The following EYS variants were observed in gnomAD, a reference collection of about 807,000 sequenced individuals.
The protein encoded by EYS is protein eyes shut homolog.
Under a neutral mutation model 282.1 loss-of-function variants are expected in EYS, and 250 were observed. The ratio of observed to expected loss-of-function variants is 0.89; its 90% confidence interval spans 0.80 to 0.98. The LOEUF (loss-of-function observed/expected upper bound fraction) is 0.98, where lower values mean the gene tolerates loss of function less well. Among genes scored for constraint, EYS ranks in the 50% least tolerant of loss-of-function variants. The pLI, the probability that EYS is intolerant of heterozygous loss-of-function variation, is 0.00. For missense variants in EYS, 4,016 were observed against 3,709.0 expected (o/e 1.08, Z -2.15); for synonymous variants, 1,355 against 1,282.9 (o/e 1.06, Z -1.20).
intron 5 of EYS, among the ~76,000 whole-genome samples, chr6:65,434,920 C>G (rs1042698817): frequency 4.6e-5 from 7 of 151,680 alleles, no homozygotes; most frequent in African/African-American, 1.7e-4. Context: ...CTCTACTATT[C>G]CTAGTATTCT....
At chr6:64,968,694 T>C (rs1770184696) in intron 14 of EYS, among the ~76,000 whole-genome samples, 1 of 152,188 alleles carries the variant, frequency 6.6e-6, no homozygotes, top group South Asian at 2.1e-4. Flanking sequence ...TTTTCTTTAC[T>C]AGTCAATAGC....
At chr6:65,028,385 A>G (rs1212170629) in intron 13 of EYS, among the ~76,000 whole-genome samples, 1 of 151,894 alleles carries the variant, frequency 6.6e-6, no homozygotes, top group Non-Finnish European at 1.5e-5. Flanking sequence ...AGTTTGAAAT[A>G]TTATGAACCT....
chr6:63,815,271 T>C (rs1264964372), intron 36 of EYS, among the ~76,000 whole-genome samples: 1 of 152,160 alleles, frequency 6.6e-6, no homozygotes, highest in East Asian at 1.9e-4. Context: ...CTCATTCCTA[T>C]CTTATAGATG....
chr6:64,065,455 C>T (rs1284201838), intron 33 of EYS, among the ~76,000 whole-genome samples: 2 of 151,870 alleles, frequency 1.3e-5, no homozygotes, highest in African/African-American at 4.8e-5. Context: ...TTAGTAATGC[C>T]CCTGAGATGT....
At chr6:64,066,189 A>G in intron 33 of EYS, 149 bp downstream of exon 33, 1 of 605,458 alleles carries the variant, frequency 1.7e-6, no homozygotes, top group Non-Finnish European at 2.8e-6. Flanking sequence ...GAGGCAGGAG[A>G]ATCGCTTGAA....
At chr6:64,686,595 G>T (rs1298235991) in intron 22 of EYS, among the ~76,000 whole-genome samples, 2 of 149,560 alleles carry the variant, frequency 1.3e-5, no homozygotes, top group East Asian at 3.9e-4. Flanking sequence ...CAAAAATTTA[G>T]CGGGCCATGG....
intron 26 of EYS, among the ~76,000 whole-genome samples, chr6:64,566,553 A>G (rs1177342832): frequency 1.3e-5 from 2 of 152,178 alleles, no homozygotes; most frequent in Admixed American, 6.5e-5. Context: ...TGCAGGGGAT[A>G]TGTCCTAGGC....
intron 30 of EYS, among the ~76,000 whole-genome samples, chr6:64,256,824 C>T (rs1365616058): frequency 6.6e-6 from 1 of 151,910 alleles, no homozygotes; most frequent in Admixed American, 6.6e-5. Context: ...ATGTATATGC[C>T]CACGAGAGGC....
At chr6:65,192,425 A>C (rs1248686603) in intron 12 of EYS, among the ~76,000 whole-genome samples, 1 of 151,734 alleles carries the variant, frequency 6.6e-6, no homozygotes, top group Non-Finnish European at 1.5e-5. Context: ...GAAAAATTGT[A>C]ACTTCAGCAA....
intron 31 of EYS, among the ~76,000 whole-genome samples, chr6:64,129,385 C>T (rs141673309): frequency 1.6e-4 from 24 of 152,254 alleles, no homozygotes; most frequent in African/African-American, 5.8e-4. Context: ...TGATGATGAA[C>T]ATTTTTTCAT....
intron 33 of EYS, among the ~76,000 whole-genome samples, chr6:64,028,573 A>G (rs555035753): frequency 6.6e-6 from 1 of 152,300 alleles, no homozygotes; most frequent in African/African-American, 2.4e-5. Context: ...GCCTTCTTCT[A>G]TATTCCCCTG....
At chr6:65,347,427 A>C (rs1337924468) in intron 9 of EYS, among the ~76,000 whole-genome samples, 1 of 151,600 alleles carries the variant, frequency 6.6e-6, no homozygotes, top group African/African-American at 2.4e-5. Flanking sequence ...ATGTTTGTGC[A>C]GTGTTTCTTT....
intron 30 of EYS, among the ~76,000 whole-genome samples, chr6:64,246,811 G>A (rs1767038510): frequency 6.6e-6 from 1 of 152,112 alleles, no homozygotes; most frequent in Admixed American, 6.5e-5. Context: ...TATGGGCAGT[G>A]AACTCTATAG....
intron 5 of EYS, among the ~76,000 whole-genome samples, chr6:65,466,872 G>A (rs1205283474): frequency 1.2e-4 from 18 of 152,296 alleles, no homozygotes; most frequent in Admixed American, 7.8e-4. Flanking sequence ...GCAGCACCAC[G>A]GAAAGTTTCT....
intron 12 of EYS, among the ~76,000 whole-genome samples, chr6:65,060,298 C>T (rs893086758): frequency 6.6e-6 from 1 of 151,270 alleles, no homozygotes; most frequent in Non-Finnish European, 1.5e-5. Flanking sequence ...ATATTTTATC[C>T]TCATTAATAT....
intron 28 of EYS, among the ~76,000 whole-genome samples, chr6:64,390,061 C>G (rs1335656355): frequency 1.3e-5 from 2 of 151,768 alleles, no homozygotes; most frequent in Non-Finnish European, 2.9e-5. Flanking sequence ...CTGCGCTTTT[C>G]CAACGGGCTT....
chr6:65,224,190 T>TA lies in EYS; in HGVS notation c.2023+71672dup, dbSNP rs202112110. On this transcript the variant is annotated intron_variant, in intron 12 of 42. Transcript: ENST00000503581. ...TTAGGCCACAGCAGTCTCAAAATAT[T>TA]AAAAAAATTGAAGTCATACAAACTA... Among the ~76,000 whole-genome samples the TA allele has an allele frequency of 9.3e-3, 1,408 of 152,092 alleles. 28 individuals carry two copies. The highest frequency in any genetic ancestry group is 0.033 in the African/African-American group (1,352 of 41,480).
chr6:64,468,917 C>T (rs1176234484), intron 26 of EYS, among the ~76,000 whole-genome samples: 1 of 152,078 alleles, frequency 6.6e-6, no homozygotes, highest in Non-Finnish European at 1.5e-5. Context: ...TGGGCATTTA[C>T]ATTTATTCTA....
At chr6:65,205,530 ACTATACT>A (rs1562021733) in intron 12 of EYS, among the ~76,000 whole-genome samples, 1 of 151,882 alleles carries the variant, frequency 6.6e-6, no homozygotes, top group Non-Finnish European at 1.5e-5. Flanking sequence ...CCTGACTTAA[ACTATACT>A]CTAAACTATG....
Sources: gnomAD v4.1 joint callset for allele counts (sites outside exome capture counted in the v4.1 genomes callset) on GRCh38, gnomAD v4.1.1 for gene constraint, MANE v1.5 for transcripts, NCBI Gene and HGNC (gene_info 2026-07-23, HGNC 2026-07-21) for gene names.